The following RFX4 variants were observed in gnomAD, a reference collection of about 807,000 sequenced individuals.
The protein encoded by RFX4 is transcription factor RFX4.
Under a neutral mutation model 95.0 loss-of-function variants are expected in RFX4, and 10 were observed. The ratio of observed to expected loss-of-function variants is 0.11; its 90% confidence interval spans 0.06 to 0.18. The LOEUF (loss-of-function observed/expected upper bound fraction) is 0.18. Among genes scored for constraint, RFX4 ranks in the 10% least tolerant of loss-of-function variants. RFX4 has a pLI of 1.00. For synonymous variants in RFX4, 321 were observed against 340.7 expected (o/e 0.94, Z 0.64); for missense variants, 640 against 922.0 (o/e 0.69, Z 3.96).
At chr12:106,627,534 T>C (rs1380501002) in intron 2 of RFX4, among the ~76,000 whole-genome samples, 2 of 152,004 alleles carry the variant, frequency 1.3e-5, no homozygotes, top group Non-Finnish European at 2.9e-5. Flanking sequence ...TGAAACTCCG[T>C]CTCAGAAAAA....
chr12:106,737,150 C>T (rs535001452), intron 15 of RFX4, among the ~76,000 whole-genome samples: 1 of 124,508 alleles, frequency 8.0e-6, no homozygotes, highest in African/African-American at 3.0e-5. Flanking sequence ...CCAGAATAGA[C>T]TCGGAACTAA....
intron 2 of RFX4, 143 bp downstream of exon 2, chr12:106,609,026 C>T (rs1260032730): frequency 1.5e-6 from 1 of 672,966 alleles, no homozygotes; most frequent in Non-Finnish European, 2.5e-6. Flanking sequence ...ATCCCAGGTC[C>T]TCTCTGTAAT....
chr12:106,732,013 A>G, intron 13 of RFX4, 117 bp from the exon 14 acceptor site: 1 of 1,438,560 alleles, frequency 7.0e-7, no homozygotes, highest in Admixed American at 2.0e-5. Flanking sequence ...TTGAGTGGAA[A>G]ATTAGACTCT....
chr12:106,686,837 C>G (rs1267363642), intron 5 of RFX4, 47 bp from the exon 6 acceptor site: 3 of 1,505,818 alleles, frequency 2.0e-6, no homozygotes, highest in Non-Finnish European at 2.7e-6. Flanking sequence ...GTGGGTCTCT[C>G]TCTTTTTTTT....
chr12:106,598,023 A>G (rs1414557973), intron 1 of RFX4, among the ~76,000 whole-genome samples: 1 of 152,350 alleles, frequency 6.6e-6, no homozygotes, highest in South Asian at 2.1e-4. Context: ...TTGTTCACCT[A>G]AATCTCACAC....
chr12:106,653,000 T>C (rs1182842003), intron 3 of RFX4, among the ~76,000 whole-genome samples: 3 of 152,162 alleles, frequency 2.0e-5, no homozygotes, highest in African/African-American at 7.2e-5. Context: ...CCAAATAACT[T>C]TGGGTTGTTT....
rs538776836 is a variant in RFX4 at position 106,717,822 on chromosome 12, C to T, written c.1139-2138C>T. 2.0e-5 allele frequency among the ~76,000 whole-genome samples: 3 copies of T among 152,340 alleles called. No individual in the cohort carries two copies. The East Asian group carries it at 5.8e-4, about 29-fold the overall frequency. On this transcript the variant is annotated intron_variant, in intron 11 of 17. Coordinates refer to ENST00000392842, the MANE Select transcript of RFX4 (RefSeq NM_213594.3). The stretch of plus-strand genomic sequence containing the variant: ...TCAAGGCAGTCCAGCACATGTGCGT[C>T]AACCCTGTACCTCCTAACCAGACAG...
rs148130448 is a variant in RFX4, at chr12:106,696,354, G to A, written c.741G>A (p.Thr247=). ...TGCTGCCTGTGCTGGGCTCCTCCAC[G>A]GTGGTGAACATTGTCGGCGTGTGTG... ...PHMLPVLGSS[T]VVNIVGVCDS... is the part of the protein sequence containing the mutation. Residue 247 remains threonine, a synonymous_variant, in exon 8 of 18, where the codon ACG becomes ACA. Transcript: ENST00000392842. 2.7e-4 allele frequency: 434 copies of A among 1,614,180 alleles called. 5 individuals are homozygous for A. In the South Asian group the frequency reaches 3.1e-3, roughly 11 times the overall value.
intron 1 of RFX4, among the ~76,000 whole-genome samples, chr12:106,602,387 A>G (rs1319530334): frequency 2.0e-5 from 3 of 152,190 alleles, no homozygotes; most frequent in Non-Finnish European, 4.4e-5. Context: ...CCTTACCTTT[A>G]TAATTCCAGT....
intron 4 of RFX4, 136 bp downstream of exon 4, chr12:106,654,487 C>A: frequency 2.0e-6 from 2 of 977,920 alleles, no homozygotes; most frequent in Non-Finnish European, 2.9e-6. Flanking sequence ...ACAACTTCAA[C>A]TTCACTGTAA....
intron 2 of RFX4, among the ~76,000 whole-genome samples, chr12:106,635,261 G>C (rs541717862): frequency 2.2e-4 from 33 of 152,284 alleles, no homozygotes; most frequent in Non-Finnish European, 4.3e-4. Context: ...GTGCAAGCTA[G>C]GTAGAGGTAG....
chr12:106,601,240 G>T, intron 1 of RFX4: 2 of 1,559,860 alleles, frequency 1.3e-6, no homozygotes, highest in East Asian at 2.4e-5. Flanking sequence ...GCCACCGGCA[G>T]GGAGCCAGGA....
rs577377765 is a variant in RFX4, at chr12:106,603,316, C to A, written c.44-5481C>A. 2.0e-5 allele frequency among the ~76,000 whole-genome samples: 3 copies of A among 152,294 alleles called. No individual in the cohort carries two copies. The South Asian group carries it at 6.2e-4, about 32-fold the overall frequency. ...CTTTGCTGCTGTAAAGAGAATGAAGCCTTGTAGAAAACATGATAACTATAT... is the reference window on the plus strand; with the variant it reads ...CTTTGCTGCTGTAAAGAGAATGAAGACTTGTAGAAAACATGATAACTATAT... On this transcript the variant is annotated intron_variant, in intron 1 of 17. Transcript: ENST00000392842.
intron 2 of RFX4, among the ~76,000 whole-genome samples, chr12:106,635,609 G>C (rs1042433902): frequency 6.6e-6 from 1 of 152,046 alleles, no homozygotes; most frequent in Non-Finnish European, 1.5e-5. Context: ...TACCATGCCC[G>C]GTCCCATGTT....
chr12:106,751,738 T>C (rs1454061757), intron 17 of RFX4, among the ~76,000 whole-genome samples: 1 of 152,180 alleles, frequency 6.6e-6, no homozygotes, highest in African/African-American at 2.4e-5. Context: ...ATGTCTTCTT[T>C]TGAGAAGTGT....
intron 1 of RFX4, among the ~76,000 whole-genome samples, chr12:106,607,047 C>T (rs1170351834): frequency 2.0e-5 from 3 of 152,254 alleles, no homozygotes; most frequent in Middle Eastern, 3.4e-3. Flanking sequence ...AATGAAATAA[C>T]TTATGCAGAG....
At chr12:106,689,061 A>G (rs891166932) in intron 6 of RFX4, among the ~76,000 whole-genome samples, 2 of 152,188 alleles carry the variant, frequency 1.3e-5, no homozygotes, top group African/African-American at 4.8e-5. Context: ...TCCGTATCTC[A>G]GGGAGAAACA....
chr12:106,700,668 AGTGCTGGG>A, intron 8 of RFX4, among the ~76,000 whole-genome samples: 1 of 150,396 alleles, frequency 6.6e-6, no homozygotes, highest in African/African-American at 2.5e-5. Context: ...GGCCTCCCAA[AGTGCTGGG>A]ATTACAGGCG....
chr12:106,752,065 T>G (rs1566007571), intron 17 of RFX4, among the ~76,000 whole-genome samples: 1 of 149,686 alleles, frequency 6.7e-6, no homozygotes, highest in Non-Finnish European at 1.5e-5. Flanking sequence ...GTTTTTATGG[T>G]TTTAGGTCTA....
Sources: allele counts gnomAD v4.1 joint callset (sites outside exome capture counted in the v4.1 genomes callset), GRCh38; gene constraint gnomAD v4.1.1; transcripts MANE v1.5; gene names NCBI Gene and HGNC (gene_info 2026-07-23, HGNC 2026-07-21).